ZBTB7C: variants seen among roughly 807,000 people sequenced by gnomAD.
ZBTB7C encodes the protein zinc finger and BTB domain containing 7C.
ZBTB7C carries 8 observed loss-of-function variants against 25.7 expected under a neutral mutation model. The observed-to-expected ratio is 0.31, with a 90% CI of 0.18 to 0.56. The LOEUF is 0.56. Ranked by LOEUF, ZBTB7C falls within the 20% of genes least tolerant of loss-of-function variation. The pLI is 0.91. For missense variants in ZBTB7C, 824 were observed against 855.2 expected (o/e 0.96, Z 0.46); for synonymous variants, 394 against 369.0 (o/e 1.07, Z -0.78).
intron 2 of ZBTB7C, among the ~76,000 whole-genome samples, chr18:48,290,952 C>T (rs1005063150): frequency 2.0e-5 from 3 of 152,214 alleles, no homozygotes; most frequent in Non-Finnish European, 4.4e-5. Context: ...GTGGAAAGAA[C>T]ATTCTCTAGG....
intron 2 of ZBTB7C, among the ~76,000 whole-genome samples, chr18:48,292,977 C>T (rs1319617650): frequency 6.6e-6 from 1 of 152,200 alleles, no homozygotes; most frequent in African/African-American, 2.4e-5. Flanking sequence ...GCTTATCTCT[C>T]ACTCCCTTAG....
intron 2 of ZBTB7C, among the ~76,000 whole-genome samples, chr18:48,326,070 T>A (rs2046211538): frequency 6.6e-6 from 1 of 150,608 alleles, no homozygotes. Context: ...TATCTGTTTA[T>A]AGATAATGCA....
intron 3 of ZBTB7C, among the ~76,000 whole-genome samples, chr18:48,067,831 G>A (rs935959278): frequency 2.0e-5 from 3 of 151,872 alleles, no homozygotes; most frequent in African/African-American, 7.3e-5. Context: ...GAGAAACCCC[G>A]TCTCTACTAA....
At chr18:48,257,976 G>A (rs2044067708) in intron 2 of ZBTB7C, among the ~76,000 whole-genome samples, 1 of 152,144 alleles carries the variant, frequency 6.6e-6, no homozygotes, top group African/African-American at 2.4e-5. Context: ...CAAGGCTCCA[G>A]TGAGCTATGA....
At chr18:48,132,674 A>C (rs2040022959) in intron 3 of ZBTB7C, among the ~76,000 whole-genome samples, 1 of 152,342 alleles carries the variant, frequency 6.6e-6, no homozygotes, top group East Asian at 1.9e-4. Flanking sequence ...TAATAGAGGC[A>C]GCCTCTGCTA....
intron 4 of ZBTB7C, among the ~76,000 whole-genome samples, chr18:48,033,090 T>C (rs553357062): frequency 1.3e-5 from 2 of 152,310 alleles, no homozygotes; most frequent in African/African-American, 4.8e-5. Context: ...TGGGTGGCTT[T>C]AGGCAAGTTA....
At chr18:48,160,371 G>C (rs550786615) in intron 3 of ZBTB7C, among the ~76,000 whole-genome samples, 26 of 152,344 alleles carry the variant, frequency 1.7e-4, no homozygotes, top group African/African-American at 6.0e-4. Context: ...CTAACATGGA[G>C]CTACCCTAAA....
At chr18:48,247,810 A>G in intron 2 of ZBTB7C, among the ~76,000 whole-genome samples, 1 of 152,126 alleles carries the variant, frequency 6.6e-6, no homozygotes, top group East Asian at 1.9e-4. Flanking sequence ...TGGTTTTACA[A>G]GTGTTTGATA....
At chr18:48,075,666 G>A (rs1047025936) in intron 3 of ZBTB7C, among the ~76,000 whole-genome samples, 6 of 152,200 alleles carry the variant, frequency 3.9e-5, no homozygotes, top group African/African-American at 1.4e-4. Flanking sequence ...TTTCTGGGTG[G>A]AGGAGGGGCA....
intron 3 of ZBTB7C, among the ~76,000 whole-genome samples, chr18:48,064,889 G>T (rs2037265105): frequency 6.6e-6 from 1 of 152,168 alleles, no homozygotes; most frequent in Non-Finnish European, 1.5e-5. Flanking sequence ...CTGGAACAAA[G>T]CAACAAAGCC....
At chr18:48,331,288 C>G (rs1409940604) in intron 2 of ZBTB7C, among the ~76,000 whole-genome samples, 1 of 152,112 alleles carries the variant, frequency 6.6e-6, no homozygotes, top group Admixed American at 6.5e-5. Flanking sequence ...AATAATCACA[C>G]AACTTATCCT....
At chr18:48,081,871 CA>C (rs368718479) in intron 3 of ZBTB7C, among the ~76,000 whole-genome samples, 1,530 of 148,782 alleles carry the variant, frequency 0.01, 20 homozygotes, top group African/African-American at 0.03. Context: ...GATTTAGTAC[CA>C]AAAAAAAAGA....
At chr18:48,228,466 G>A (rs1488391622) in intron 2 of ZBTB7C, among the ~76,000 whole-genome samples, 1 of 152,082 alleles carries the variant, frequency 6.6e-6, no homozygotes, top group South Asian at 2.1e-4. Context: ...CTGCGGATGG[G>A]TGGGGCACAT....
In ZBTB7C at chr18:48,129,647, T is replaced by C. The variant is rs1598934143; in HGVS notation, c.-17+56287A>G. 2.6e-5 allele frequency among the ~76,000 whole-genome samples: 4 copies of C among 152,270 alleles called. No individual in the cohort carries two copies. The South Asian group carries it at 8.3e-4, about 32-fold the overall frequency. On this transcript the variant is annotated intron_variant, in intron 3 of 4. Coordinates refer to ENST00000590800, the MANE Select transcript of ZBTB7C (RefSeq NM_001318841.2). ...GTCTCTAATGTCACTGGTGTGTGCA[T>C]TTGCCCGGAAGGGAGGGAGAGGCTC...
At chr18:48,313,333 T>A (rs1215733505) in intron 2 of ZBTB7C, among the ~76,000 whole-genome samples, 1 of 152,162 alleles carries the variant, frequency 6.6e-6, no homozygotes, top group Non-Finnish European at 1.5e-5. Flanking sequence ...CAGACAGAAG[T>A]TGCTAAGAGT....
chr18:48,297,508 C>A (rs1247874299), intron 2 of ZBTB7C, among the ~76,000 whole-genome samples: 1 of 152,156 alleles, frequency 6.6e-6, no homozygotes, highest in Non-Finnish European at 1.5e-5. Flanking sequence ...TCTACTTCCA[C>A]CCAAAGGGAA....
chr18:48,337,493 T>C (rs564912225), intron 2 of ZBTB7C, among the ~76,000 whole-genome samples: 1 of 152,352 alleles, frequency 6.6e-6, no homozygotes, highest in African/African-American at 2.4e-5. Context: ...AGAGACTTGC[T>C]TGATGCTTCC....
At chr18:48,039,208 C>T (rs1007183742) in intron 4 of ZBTB7C, among the ~76,000 whole-genome samples, 3 of 152,150 alleles carry the variant, frequency 2.0e-5, no homozygotes, top group Admixed American at 6.5e-5. Flanking sequence ...AAGAGGAGAA[C>T]ATAAAAAGAG....
intron 1 of ZBTB7C, among the ~76,000 whole-genome samples, chr18:48,388,447 T>C (rs1188564377): frequency 6.6e-6 from 1 of 152,060 alleles, no homozygotes; most frequent in African/African-American, 2.4e-5. Context: ...GTTGGGTATA[T>C]AGAAAGAATG....
Sources: gnomAD v4.1 joint callset for allele counts (sites outside exome capture counted in the v4.1 genomes callset) on GRCh38, gnomAD v4.1.1 for gene constraint, MANE v1.5 for transcripts, NCBI Gene and HGNC (gene_info 2026-07-23, HGNC 2026-07-21) for gene names.